Variants in PCDH15 observed in about 807,000 individuals in gnomAD.
PCDH15 encodes protocadherin-15.
Under a neutral mutation model 178.5 loss-of-function variants are expected in PCDH15, and 129 were observed. The ratio of observed to expected loss-of-function variants is 0.72; its 90% CI spans 0.63 to 0.84. PCDH15 has a LOEUF of 0.84. Among genes scored for constraint, PCDH15 ranks in the 40% least tolerant of loss-of-function variants. The pLI is 0.00. For missense variants in PCDH15, 2,230 were observed against 2,099.9 expected, an observed-to-expected ratio of 1.06 and a Z score of -1.21; for synonymous variants, 800 against 732.0, an observed-to-expected ratio of 1.09 and a Z score of -1.50.
At chr10:53,873,660 T>A (rs781151133) in intron 26 of PCDH15, among the ~76,000 whole-genome samples, 1 of 152,156 alleles carries the variant, frequency 6.6e-6, no homozygotes, top group Non-Finnish European at 1.5e-5. Flanking sequence ...TTCTAAGAAA[T>A]CTTCCTAGAT....
At chr10:53,827,726 A>G (rs1375112162) in intron 31 of PCDH15, among the ~76,000 whole-genome samples, 178 bp from the exon 32 acceptor site, 1 of 152,210 alleles carries the variant, frequency 6.6e-6, no homozygotes, top group Non-Finnish European at 1.5e-5. Context: ...TATCATTTGC[A>G]TATAATCCCT....
chr10:54,298,792 C>A (rs1344002366), intron 8 of PCDH15, among the ~76,000 whole-genome samples: 3 of 152,218 alleles, frequency 2.0e-5, no homozygotes, highest in African/African-American at 4.8e-5. Context: ...GTGTTAATCT[C>A]CTGTCCCAGA....
intron 2 of PCDH15, among the ~76,000 whole-genome samples, chr10:55,555,010 A>T (rs1206202378): frequency 6.6e-6 from 1 of 152,072 alleles, no homozygotes; most frequent in Admixed American, 6.6e-5. Context: ...TAATTAGAAG[A>T]TATCAATTAC....
chr10:55,219,817 T>G (rs1840818384), intron 1 of PCDH15, among the ~76,000 whole-genome samples: 1 of 151,622 alleles, frequency 6.6e-6, no homozygotes, highest in Non-Finnish European at 1.5e-5. Context: ...AAGAACTAAT[T>G]GTTTTTCAAA....
chr10:53,966,556 G>A (rs1200039859), intron 21 of PCDH15, among the ~76,000 whole-genome samples: 3 of 151,714 alleles, frequency 2.0e-5, no homozygotes, highest in East Asian at 3.9e-4. Context: ...ATTATTTCTG[G>A]GAAATTTACA....
chr10:55,507,931 A>G (rs776470180), intron 2 of PCDH15, among the ~76,000 whole-genome samples: 9 of 151,648 alleles, frequency 5.9e-5, no homozygotes, highest in Non-Finnish European at 1.2e-4. Flanking sequence ...CACTTTTCAG[A>G]GATAAAAATA....
intron 1 of PCDH15, among the ~76,000 whole-genome samples, chr10:55,235,076 C>T (rs1046483918): frequency 2.3e-5 from 3 of 129,136 alleles, no homozygotes; most frequent in Admixed American, 8.2e-5. Flanking sequence ...AGTTTTAAGT[C>T]GGAAAGAAGT....
intron 26 of PCDH15, among the ~76,000 whole-genome samples, chr10:53,886,636 C>T (rs11003909): frequency 0.083 from 11,526 of 139,686 alleles, 1,445 homozygotes; most frequent in African/African-American, 0.27. Context: ...CCTTTGGGCT[C>T]AGCCGCATCT....
At chr10:53,956,428 A>T (rs577390939) in intron 23 of PCDH15, among the ~76,000 whole-genome samples, 1 of 152,300 alleles carries the variant, frequency 6.6e-6, no homozygotes, top group East Asian at 1.9e-4. Flanking sequence ...AGTTCAGTTA[A>T]AATTTTGGTT....
intron 29 of PCDH15, among the ~76,000 whole-genome samples, chr10:53,839,107 G>A (rs1490688389): frequency 6.7e-6 from 1 of 150,184 alleles, no homozygotes; most frequent in Non-Finnish European, 1.5e-5. Context: ...AGGAGGCTGA[G>A]GCAGGAGAAT....
At chr10:54,088,065 C>T (rs1173960216) in intron 16 of PCDH15, among the ~76,000 whole-genome samples, 3 of 152,278 alleles carry the variant, frequency 2.0e-5, no homozygotes, top group African/African-American at 7.2e-5. Flanking sequence ...CCTGCAGAAC[C>T]GTGAGGCAAT....
At chr10:55,212,786 G>A (rs1360159297) in intron 1 of PCDH15, among the ~76,000 whole-genome samples, 1 of 152,000 alleles carries the variant, frequency 6.6e-6, no homozygotes, top group East Asian at 1.9e-4. Flanking sequence ...TTAATCATAG[G>A]CGGGTCTCTA....
rs146831797 is a variant in PCDH15, at chr10:54,419,243, T to TACACACAC, written c.158-40309_158-40302dup. 9.2e-3 allele frequency among the ~76,000 whole-genome samples: 1,393 copies of TACACACAC among 150,648 alleles called. 23 individuals are homozygous for TACACACAC. The highest frequency in any genetic ancestry group is 0.03 in the African/African-American group (1,243 of 41,068). On this transcript the variant is annotated intron_variant, in intron 3 of 37. Transcript: ENST00000644397. Reference sequence around the variant, plus strand: ...CCACATATACATATACATATATACATACACACACACACACACATTCACACC... The same window carrying TACACACAC: ...CCACATATACATATACATATATACATACACACACACACACACACACACACATTCACACC...
At chr10:53,933,508 CT>C (rs1453387567) in intron 25 of PCDH15, among the ~76,000 whole-genome samples, 2 of 151,614 alleles carry the variant, frequency 1.3e-5, no homozygotes, top group African/African-American at 2.4e-5. Context: ...TGAACTCATC[CT>C]TTTTTATGGC....
At chr10:54,341,248 G>A (rs1486095057) in intron 6 of PCDH15, among the ~76,000 whole-genome samples, 1 of 152,082 alleles carries the variant, frequency 6.6e-6, no homozygotes, top group Non-Finnish European at 1.5e-5. Flanking sequence ...TAATCCCCAT[G>A]TATTGAGGGA....
rs113682986 is a variant in PCDH15, at chr10:54,903,735, T to A, written c.-79-6235A>T. ...TGACACCTGATTTAATGCATTGTGC[T>A]AATTTTCTAAAACAACTCAGAGGAA... On this transcript the variant is annotated intron_variant, in intron 2 of 5. Transcript: ENST00000458638. 1.1e-4 allele frequency among the ~76,000 whole-genome samples: 16 copies of A among 152,284 alleles called. 1 individual carries two copies. The highest frequency in any genetic ancestry group is 3.8e-4 in the African/African-American group (16 of 41,586).
chr10:54,843,188 C>T (rs766826360), intron 3 of PCDH15, among the ~76,000 whole-genome samples: 2 of 151,906 alleles, frequency 1.3e-5, no homozygotes, highest in Non-Finnish European at 2.9e-5. Flanking sequence ...CGTTTGGCTT[C>T]ATGAACTTTA....
intron 10 of PCDH15, among the ~76,000 whole-genome samples, chr10:54,208,567 A>G (rs373870094): frequency 2.0e-5 from 3 of 152,120 alleles, no homozygotes; most frequent in East Asian, 3.9e-4. Flanking sequence ...GAATTTGGCA[A>G]TCTGCAACCC....
At chr10:54,844,307 T>G (rs2131755563) in intron 3 of PCDH15, among the ~76,000 whole-genome samples, 1 of 152,104 alleles carries the variant, frequency 6.6e-6, no homozygotes. Context: ...TTTGTTAAAA[T>G]CAAGATACAG....
Sources: allele counts gnomAD v4.1 joint callset (sites outside exome capture counted in the v4.1 genomes callset), GRCh38; gene constraint gnomAD v4.1.1; transcripts MANE v1.5; gene names NCBI Gene and HGNC (gene_info 2026-07-23, HGNC 2026-07-21).